The following LRRIQ4 variants were observed in gnomAD, a reference collection of about 807,000 sequenced individuals.
LRRIQ4 encodes leucine rich repeats and IQ motif containing 4, also known as leucine-rich repeat and IQ domain-containing protein 4.
A neutral mutation model predicts 40.1 loss-of-function variants in LRRIQ4; 21 were observed. The ratio of observed to expected loss-of-function variants is 0.52; its 90% CI spans 0.37 to 0.75. The LOEUF is 0.75. Ranked by LOEUF, LRRIQ4 falls within the 30% of genes least tolerant of loss-of-function variation. The pLI is 0.00. For synonymous variants in LRRIQ4, 277 were observed against 277.1 expected (o/e 1.00, Z 0.00); for missense variants, 655 against 660.0 (o/e 0.99, Z 0.08).
At chr3:169,813,426 T>C (rs1157692266) in intron 1 of LRRIQ4, among the ~76,000 whole-genome samples, 1 of 152,156 alleles carries the variant, frequency 6.6e-6, no homozygotes, top group African/African-American at 2.4e-5. Flanking sequence ...GACGATCTGG[T>C]AAGTTTCATT....
In LRRIQ4 at chr3:169,822,378, C is replaced by T. The variant is rs1471253536; in HGVS notation, c.457C>T (p.His153Tyr). 3.1e-6 allele frequency: 5 copies of T among 1,612,340 alleles called. No homozygotes were observed. The highest frequency in any genetic ancestry group is 1.3e-5 in the African/African-American group (1 of 74,858). Residue 153 changes from histidine (H) to tyrosine (Y), a missense_variant, in exon 2 of 6, where the codon CAC becomes TAC. By Grantham distance (83) the His-to-Tyr change is moderately conservative (BLOSUM62 2). Coordinates refer to ENST00000340806, the MANE Select transcript of LRRIQ4 (RefSeq NM_001080460.3). ...HLELLGLTGNHLKCLPKEIVN... is the reference protein window; with the variant it reads ...HLELLGLTGNYLKCLPKEIVN... ...CGAGCTGCTCGGACTGACCGGAAAC[C>T]ACCTGAAATGTCTGCCCAAGGAAAT...
chr3:169,826,408 A>G (rs1036278166), intron 2 of LRRIQ4, among the ~76,000 whole-genome samples: 7 of 151,646 alleles, frequency 4.6e-5, no homozygotes, highest in South Asian at 2.1e-4. Flanking sequence ...AAAAAAAAGA[A>G]AAAGAAAAAG....
chr3:169,822,187 C>A lies in LRRIQ4; in HGVS notation c.266C>A (p.Ala89Glu), dbSNP rs776389091. The A allele has an allele frequency of 1.2e-6, 2 of 1,605,248 alleles. No homozygotes were observed. The highest frequency in any genetic ancestry group is 2.2e-5 in the South Asian group (2 of 89,418). The change falls in exon 2 of 6, where the codon GCG becomes GAG. Residue 89 changes from alanine (A) to glutamate (E), a missense_variant. By Grantham distance (107) the Ala-to-Glu change is moderately radical (BLOSUM62 -1). Coordinates refer to ENST00000340806, the MANE Select transcript of LRRIQ4 (RefSeq NM_001080460.3). Reference sequence around the variant, plus strand: ...AACAACCTGAGGAGCCTGTGCCCGGCGCTGGGGCTGCTGAGCAGCCTGGAG... The same window carrying A: ...AACAACCTGAGGAGCCTGTGCCCGGAGCTGGGGCTGCTGAGCAGCCTGGAG... ...DKNNLRSLCPALGLLSSLESL... is the reference protein window; with the variant it reads ...DKNNLRSLCPELGLLSSLESL...
Position 169,813,028 on chromosome 3 carries a change from G to A in LRRIQ4, c.-50G>A, listed in dbSNP as rs1779661645. On this transcript the variant is annotated 5_prime_UTR_variant, in exon 1 of 6. Coordinates refer to ENST00000340806, the MANE Select transcript of LRRIQ4 (RefSeq NM_001080460.3). The stretch of plus-strand genomic sequence containing the variant: ...GCTGCCAGAGGACAGAATGCTTGGT[G>A]CGTTCTGGGCATGCGCAGGTACTTG... The A allele has an allele frequency of 6.4e-6, 1 of 155,952 alleles. No homozygotes were observed. Among genetic ancestry groups the A allele is most frequent in the Admixed American group, 6.5e-5 (1 of 15,394 alleles). The allele number at this position is 155,952 out of a possible 1,614,324, so 9.7% of individuals were successfully genotyped here.
At chr3:169,819,533 C>A (rs1779831663) in intron 1 of LRRIQ4, among the ~76,000 whole-genome samples, 1 of 152,140 alleles carries the variant, frequency 6.6e-6, no homozygotes, top group Non-Finnish European at 1.5e-5. Flanking sequence ...AAATTTCACA[C>A]CCGAGAAGAA....
intron 1 of LRRIQ4, among the ~76,000 whole-genome samples, chr3:169,816,857 GA>G (rs566390939): frequency 7.4e-4 from 112 of 152,056 alleles, no homozygotes; most frequent in African/African-American, 2.4e-3. Flanking sequence ...TTTTAGTAGA[GA>G]CAGGGTTTCA....
At position 169,837,432 on chromosome 3, in the gene LRRIQ4, C is replaced by A. The variant is rs1325969844; in HGVS notation, c.1531-47C>A. ...TAAAGAGATTTAACAATTTCCAGTTCATTGTGATACCAGCCGATGCTGAAT... is the reference window on the plus strand; with the variant it reads ...TAAAGAGATTTAACAATTTCCAGTTAATTGTGATACCAGCCGATGCTGAAT... On this transcript the variant is annotated intron_variant, in intron 5 of 5. Coordinates refer to ENST00000340806, the MANE Select transcript of LRRIQ4 (RefSeq NM_001080460.3). 3.8e-6 allele frequency: 6 copies of A among 1,562,130 alleles called. No individual in the cohort carries two copies. In the African/African-American group the frequency reaches 5.5e-5, roughly 14 times the overall value.
chr3:169,824,423 A>G (rs1779994028), intron 2 of LRRIQ4, among the ~76,000 whole-genome samples: 1 of 152,078 alleles, frequency 6.6e-6, no homozygotes, highest in Non-Finnish European at 1.5e-5. Context: ...TTTGTTTATT[A>G]AAAGATTTGG....
chr3:169,830,781 T>C (rs996810331), intron 4 of LRRIQ4, among the ~76,000 whole-genome samples, 151 bp downstream of exon 4: 74 of 152,308 alleles, frequency 4.9e-4, no homozygotes, highest in African/African-American at 1.7e-3. Flanking sequence ...CTTAGCGACA[T>C]GGGGGAGGCC....
At position 169,834,506 on chromosome 3, in the gene LRRIQ4, T is replaced by C. The variant is rs537349796; in HGVS notation, c.1530+1323T>C. On this transcript the variant is annotated intron_variant, in intron 5 of 5. Transcript: ENST00000340806. ...ACGTTCTTAAAATGATATTTAACAT[T>C]GTTGGCCACAAGTTTAAATCATTGC... Among the ~76,000 whole-genome samples, 93 of 152,370 alleles carry C rather than the reference T, an allele frequency of 6.1e-4. 2 individuals are homozygous for C. The South Asian group carries it at 0.019, about 31-fold the overall frequency.
intron 1 of LRRIQ4, among the ~76,000 whole-genome samples, chr3:169,815,283 CT>C (rs1430302877): frequency 1.2e-4 from 18 of 151,904 alleles, no homozygotes; most frequent in Admixed American, 1.1e-3. Flanking sequence ...AATATCTTTC[CT>C]TTTTTTGTGT....
intron 3 of LRRIQ4, among the ~76,000 whole-genome samples, chr3:169,830,178 A>C (rs1292942375): frequency 6.6e-6 from 1 of 152,074 alleles, no homozygotes; most frequent in Non-Finnish European, 1.5e-5. Context: ...GTTAATGATA[A>C]ATGTAGTTAA....
chr3:169,823,900 A>G (rs1184169133), intron 2 of LRRIQ4, among the ~76,000 whole-genome samples: 1 of 152,154 alleles, frequency 6.6e-6, no homozygotes, highest in Admixed American at 6.5e-5. Context: ...AAACTTCAAT[A>G]TATTCATAAA....
At chr3:169,818,008 C>T (rs1779801676) in intron 1 of LRRIQ4, among the ~76,000 whole-genome samples, 1 of 152,172 alleles carries the variant, frequency 6.6e-6, no homozygotes, top group South Asian at 2.1e-4. Context: ...GCACTTTATC[C>T]CACAGTGGTG....
chr3:169,820,869 C>T (rs1235838030), intron 1 of LRRIQ4, among the ~76,000 whole-genome samples: 1 of 152,152 alleles, frequency 6.6e-6, no homozygotes, highest in Non-Finnish European at 1.5e-5. Context: ...TCCCTGTGGC[C>T]GTTTAACCAG....
At chr3:169,827,382 C>T (rs1390975301) in intron 2 of LRRIQ4, among the ~76,000 whole-genome samples, 3 of 151,860 alleles carry the variant, frequency 2.0e-5, no homozygotes, top group Non-Finnish European at 4.4e-5. Flanking sequence ...CCTAGGCGGG[C>T]GGACCACGAG....
rs372293113 is a variant in LRRIQ4 at position 169,833,186 on chromosome 3, A to G, written c.1530+3A>G. The G allele has an allele frequency of 6.2e-7, 1 of 1,610,288 alleles. No individual in the cohort carries two copies. Among genetic ancestry groups the G allele is most frequent in the Non-Finnish European group, 8.5e-7 (1 of 1,177,968 alleles). On this transcript the variant is annotated splice_donor_region_variant and intron_variant, in intron 5 of 5. Coordinates refer to ENST00000340806, the MANE Select transcript of LRRIQ4 (RefSeq NM_001080460.3). ...ACAGGAATATAATGGCAACAAAGGT[A>G]AAATCAGCCCAGATTCTTGATAACA... is the stretch of plus-strand genomic sequence containing the variant.
intron 2 of LRRIQ4, among the ~76,000 whole-genome samples, chr3:169,826,057 G>A (rs537039307): frequency 5.3e-5 from 8 of 152,220 alleles, no homozygotes; most frequent in African/African-American, 1.7e-4. Flanking sequence ...TTTTCAATGT[G>A]TACCTAGATG....
rs185849334 is a variant in LRRIQ4 at position 169,831,308 on chromosome 3, C to G, written c.1333+678C>G. Among the ~76,000 whole-genome samples the G allele has an allele frequency of 2.3e-3, 247 of 109,336 alleles. 1 individual carries two copies. The highest frequency in any genetic ancestry group is 3.6e-3 in the Admixed American group (26 of 7,312). The allele number at this position is 109,336 out of a possible 152,430, so 71.7% of individuals were successfully genotyped here. On this transcript the variant is annotated intron_variant, in intron 4 of 5. Transcript: ENST00000340806. ...TTTTTTTTTAAGACAGAGTCTCGCT[C>G]TGTCGCTCAGGCTGGAGTGCAGTGG...
Sources: allele counts gnomAD v4.1 joint callset (sites outside exome capture counted in the v4.1 genomes callset), GRCh38; gene constraint gnomAD v4.1.1; transcripts MANE v1.5; gene names NCBI Gene and HGNC (gene_info 2026-07-23, HGNC 2026-07-21).